Variants in CMIP observed in about 807,000 individuals in gnomAD.
CMIP encodes C-Maf-inducing protein.
Under a neutral mutation model 97.3 loss-of-function variants are expected in CMIP, and 13 were observed. The ratio of observed to expected loss-of-function variants is 0.13; its 90% confidence interval spans 0.09 to 0.21. The LOEUF is 0.21. Ranked by LOEUF, CMIP falls within the 10% of genes least tolerant of loss-of-function variation. The pLI, the probability that CMIP is intolerant of heterozygous loss-of-function variation, is 1.00. For synonymous variants in CMIP, 538 were observed against 436.3 expected, an observed-to-expected ratio of 1.23 and a Z score of -2.91; for missense variants, 847 against 1,024.9, an observed-to-expected ratio of 0.83 and a Z score of 2.37.
At chr16:81,487,917 C>T (rs77521880) in intron 1 of CMIP, among the ~76,000 whole-genome samples, 4 of 152,282 alleles carry the variant, frequency 2.6e-5, no homozygotes, top group Middle Eastern at 6.8e-3. Flanking sequence ...AGACGATCTT[C>T]GAATGCCTCT....
At chr16:81,673,559 A>G (rs2092702031) in intron 9 of CMIP, among the ~76,000 whole-genome samples, 1 of 152,120 alleles carries the variant, frequency 6.6e-6, no homozygotes, top group Admixed American at 6.6e-5. Flanking sequence ...CAAGCAGGTG[A>G]CCACTTCAGG....
At chr16:81,475,829 C>T (rs1044018774) in intron 1 of CMIP, among the ~76,000 whole-genome samples, 2 of 151,904 alleles carry the variant, frequency 1.3e-5, no homozygotes, top group East Asian at 3.9e-4. Context: ...ACTAAAAATA[C>T]AAACAAAATT....
chr16:81,575,311 A>G (rs542624484), intron 1 of CMIP, among the ~76,000 whole-genome samples: 1 of 152,238 alleles, frequency 6.6e-6, no homozygotes, highest in Admixed American at 6.5e-5. Flanking sequence ...GGCTCAGAAC[A>G]TTCCTAGAAG....
intron 2 of CMIP, chr16:81,620,501 C>A (rs2091978323): frequency 8.7e-6 from 2 of 228,706 alleles, no homozygotes; most frequent in South Asian, 6.6e-5. Context: ...CATACACAGG[C>A]CCCCAGCCAG....
At position 81,627,290 on chromosome 16, in the gene CMIP, C is replaced by T. The variant is rs528789942; in HGVS notation, c.477+6364C>T. ...GAGTATGCTGGTTTGGAGTGTGTTT[C>T]TTTGGGCCTCAGTTTTCTCCTCTGT... On this transcript the variant is annotated intron_variant, in intron 3 of 20. Coordinates refer to ENST00000537098, the MANE Select transcript of CMIP (RefSeq NM_198390.3). The surrounding 1 kb of genome is among the most constrained non-coding windows in gnomAD (Gnocchi z 4.6). Among the ~76,000 whole-genome samples, 3 of 151,916 alleles carry T rather than the reference C, an allele frequency of 2.0e-5. No homozygotes were observed. The East Asian group carries it at 5.8e-4, about 29-fold the overall frequency.
chr16:81,509,746 C>A (rs900670328), intron 1 of CMIP, among the ~76,000 whole-genome samples: 5 of 152,186 alleles, frequency 3.3e-5, no homozygotes, highest in African/African-American at 1.2e-4. Flanking sequence ...TCTCTTGAGG[C>A]CTACCTGCCC....
intron 1 of CMIP, among the ~76,000 whole-genome samples, chr16:81,513,882 A>G (rs1209413931): frequency 3.9e-5 from 6 of 152,118 alleles, no homozygotes; most frequent in Admixed American, 1.3e-4. Context: ...TGCCCAAACC[A>G]TATTTGCTGC....
intron 1 of CMIP, among the ~76,000 whole-genome samples, chr16:81,594,377 C>A (rs1040119449): frequency 1.3e-5 from 2 of 151,768 alleles, no homozygotes; most frequent in African/African-American, 4.8e-5. Flanking sequence ...GCCTCAGCCT[C>A]CCAAAGTGCT....
At chr16:81,475,737 G>C (rs1475358079) in intron 1 of CMIP, among the ~76,000 whole-genome samples, 1 of 152,168 alleles carries the variant, frequency 6.6e-6, no homozygotes, top group South Asian at 2.1e-4. Context: ...CGTAATCCCA[G>C]CACTTTGGGA....
intron 1 of CMIP, among the ~76,000 whole-genome samples, chr16:81,508,751 T>G (rs2089757219): frequency 6.6e-6 from 1 of 152,228 alleles, no homozygotes; most frequent in Admixed American, 6.5e-5. Flanking sequence ...GGACAGCTCC[T>G]GCAGGCCTGG....
At chr16:81,517,770 G>A (rs1017614683) in intron 1 of CMIP, 2 of 162,376 alleles carry the variant, frequency 1.2e-5, no homozygotes, top group African/African-American at 4.8e-5. Flanking sequence ...GAGCAGAGGC[G>A]ATTCTCTGGG....
intron 8 of CMIP, 131 bp from the exon 9 acceptor site, chr16:81,671,835 C>T: frequency 1.8e-6 from 1 of 571,118 alleles, no homozygotes; most frequent in Non-Finnish European, 3.2e-6. Context: ...TGAAGGCTCT[C>T]AGAGCCCCCC....
chr16:81,529,314 A>G (rs777306323), intron 1 of CMIP, among the ~76,000 whole-genome samples: 5 of 152,128 alleles, frequency 3.3e-5, no homozygotes, highest in Non-Finnish European at 5.9e-5. Context: ...CAGATGGTAC[A>G]TGATACAGAG....
intron 1 of CMIP, among the ~76,000 whole-genome samples, chr16:81,562,893 G>C (rs1040676542): frequency 9.9e-5 from 15 of 152,236 alleles, no homozygotes; most frequent in African/African-American, 2.7e-4. Flanking sequence ...AGGGCTTTTG[G>C]AATCCAAAGC....
At position 81,643,510 on chromosome 16, in the gene CMIP, C is replaced by T. The variant is rs139209847; in HGVS notation, c.478-8693C>T. ...TTCACTGTAAATGGGTACATGGTGG[C>T]CGGGCGCAGTGGCTCACACCTGTAA... On this transcript the variant is annotated intron_variant, in intron 3 of 20. Coordinates refer to ENST00000537098, the MANE Select transcript of CMIP (RefSeq NM_198390.3). Among the ~76,000 whole-genome samples the T allele has an allele frequency of 8.5e-3, 1,291 of 152,302 alleles. 6 individuals are homozygous for T. Among genetic ancestry groups the T allele is most frequent in the Non-Finnish European group, 0.014 (946 of 68,038 alleles).
At chr16:81,463,297 G>A (rs12599890) in intron 1 of CMIP, among the ~76,000 whole-genome samples, 19 of 152,252 alleles carry the variant, frequency 1.2e-4, no homozygotes, top group African/African-American at 4.3e-4. Context: ...AGAGCAAAAC[G>A]TCACTTAAAT....
Position 81,655,077 on chromosome 16 carries a change from T to A in CMIP, c.640-2698T>A, listed in dbSNP as rs1235183392. 6.6e-6 allele frequency among the ~76,000 whole-genome samples: 1 copy of A among 152,188 alleles called. No homozygotes were observed. The highest frequency in any genetic ancestry group is 1.5e-5 in the Non-Finnish European group (1 of 68,034). ...TAAAGTGCTTGGCACTGTGCCTAAC[T>A]TGCAAGGGCCTTTGATACATGGCCA... On this transcript the variant is annotated intron_variant, in intron 4 of 20. Transcript: ENST00000537098. This position sits in a 1 kb window ranked among gnomAD's most constrained non-coding sequence, Gnocchi z 4.9.
chr16:81,576,875 G>A (rs11642655), intron 1 of CMIP, among the ~76,000 whole-genome samples: 68,955 of 151,916 alleles, frequency 0.45, 17,129 homozygotes, highest in Non-Finnish European at 0.56. Flanking sequence ...ATTTGGTGAA[G>A]CTTGAGAAGT....
chr16:81,471,864 C>A (rs1333431725), intron 1 of CMIP, among the ~76,000 whole-genome samples: 1 of 152,198 alleles, frequency 6.6e-6, no homozygotes, highest in East Asian at 1.9e-4. Context: ...AGAGGGAGGA[C>A]TCACGTCCTG....
Sources: allele counts gnomAD v4.1 joint callset (sites outside exome capture counted in the v4.1 genomes callset), GRCh38; gene constraint gnomAD v4.1.1; non-coding constraint Gnocchi (gnomAD v3.1); transcripts MANE v1.5; gene names NCBI Gene and HGNC (gene_info 2026-07-23, HGNC 2026-07-21).